Variants in GPS1 observed in about 807,000 individuals in gnomAD.
The protein encoded by GPS1 is COP9 signalosome complex subunit 1.
Under a neutral mutation model 60.0 loss-of-function variants are expected in GPS1, and 11 were observed. That is an observed-to-expected ratio of 0.18 (90% CI 0.12 to 0.30). GPS1 has a LOEUF of 0.30. GPS1 is among the 10% of genes least tolerant of loss of function. The pLI, the probability that GPS1 is intolerant of heterozygous loss-of-function variation, is 1.00. For missense variants in GPS1, 543 were observed against 669.2 expected (o/e 0.81, Z 2.08); for synonymous variants, 343 against 269.8 (o/e 1.27, Z -2.66).
At position 82,056,482 on chromosome 17, in the gene GPS1, C is replaced by T. The variant is rs988489404; in HGVS notation, c.1048C>T (p.Leu350=). The T allele has an allele frequency of 6.2e-7, 1 of 1,613,098 alleles. No individual in the cohort carries two copies. Among genetic ancestry groups the T allele is most frequent in the African/African-American group, 1.3e-5 (1 of 74,920 alleles). Reference sequence around the variant, plus strand: ...GCCCCTTCCCCAGGACAACCTGCTCCTGGACATGTATCTGGCCCCCCATGT... The same window carrying T: ...GCCCCTTCCCCAGGACAACCTGCTCTTGGACATGTATCTGGCCCCCCATGT... The part of the protein sequence containing the change: ...MLDEMKDNLL[L]DMYLAPHVRT... The change falls in exon 10 of 13, where the codon CTG becomes TTG. Residue 350 remains leucine, a synonymous_variant. Coordinates refer to ENST00000578552, the MANE Select transcript of GPS1 (RefSeq NM_001321092.3).
chr17:82,057,085 G>A lies in GPS1; in HGVS notation c.1422G>A (p.Leu474=). The A allele has an allele frequency of 1.9e-6, 3 of 1,581,006 alleles. No homozygotes were observed. Among genetic ancestry groups the A allele is most frequent in the Non-Finnish European group, 2.6e-6 (3 of 1,161,376 alleles). ...SPPREGSQGE[L]TPANSQSRMS... ...CCAGAGAAGGGAGCCAGGGGGAGCTGACTCCAGCCAACAGCCAGTCCCGGA... is the reference window on the plus strand; with the variant it reads ...CCAGAGAAGGGAGCCAGGGGGAGCTAACTCCAGCCAACAGCCAGTCCCGGA... The change falls in exon 13 of 13, where the codon CTG becomes CTA. Residue 474 remains leucine (L), a synonymous_variant. Coordinates refer to ENST00000578552, the MANE Select transcript of GPS1 (RefSeq NM_001321092.3).
At chr17:82,053,487 T>C in intron 2 of GPS1, 121 bp downstream of exon 2, 1 of 714,926 alleles carries the variant, frequency 1.4e-6, no homozygotes, top group Non-Finnish European at 2.1e-6. Flanking sequence ...CTGTCGTCTT[T>C]TTCTGACCCC....
intron 2 of GPS1, 152 bp downstream of exon 2, chr17:82,053,518 T>C (rs4969483): frequency 0.048 from 27,168 of 565,468 alleles, 1,233 homozygotes; most frequent in African/African-American, 0.17. Context: ...GCGTTTCTGA[T>C]TGCGCACTCA....
rs1294610563 is a variant in GPS1, at chr17:82,056,308, C to T, written c.952C>T (p.Leu318=). 1.2e-6 allele frequency: 2 copies of T among 1,612,414 alleles called. No individual in the cohort carries two copies. Among genetic ancestry groups the T allele is most frequent in the Non-Finnish European group, 8.5e-7 (1 of 1,179,118 alleles). Residue 318 remains leucine (L), a synonymous_variant, in exon 9 of 13, where the codon CTG becomes TTG. Transcript: ENST00000578552. The stretch of plus-strand genomic sequence containing the variant: ...CAGCTCCTTCAAGTTGTTCTTGGAG[C>T]TGGAGCCACAGGTCCGAGACATCAT... ...SSSSFKLFLE[L]EPQVRDIIFK...
intron 5 of GPS1, 63 bp from the exon 6 acceptor site, chr17:82,055,099 G>A: frequency 6.4e-7 from 1 of 1,566,196 alleles, no homozygotes; most frequent in Admixed American, 1.9e-5. Context: ...CAGTCTGGGG[G>A]CTGGGCATCG....
chr17:82,052,793 C>A, intron 1 of GPS1: 1 of 368,926 alleles, frequency 2.7e-6, no homozygotes, highest in South Asian at 3.2e-5. Context: ...CCCCTTCTCC[C>A]AACTCCGTGG....
At position 82,055,724 on chromosome 17, in the gene GPS1, C is replaced by T. The variant is rs981051652; in HGVS notation, c.749-16C>T. On this transcript the variant is annotated splice_polypyrimidine_tract_variant and intron_variant, in intron 6 of 12. Coordinates refer to ENST00000578552, the MANE Select transcript of GPS1 (RefSeq NM_001321092.3). The stretch of plus-strand genomic sequence containing the variant: ...ACCCCCTCTCCCCCCTCCCCGCCCC[C>T]GGCTCCTTCCACTAGGCTTGGCAGA... 1.7e-5 allele frequency: 26 copies of T among 1,539,360 alleles called. No individual in the cohort carries two copies. The highest frequency in any genetic ancestry group is 2.1e-5 in the Non-Finnish European group (24 of 1,138,132).
intron 4 of GPS1, 32 bp downstream of exon 4, chr17:82,054,842 G>T (rs200876960): frequency 6.4e-7 from 1 of 1,573,800 alleles, no homozygotes; most frequent in East Asian, 2.2e-5. Flanking sequence ...GGGGTGGGCA[G>T]CATGGCTGGG....
At chr17:82,052,137 C>T in intron 1 of GPS1, 173 bp downstream of exon 1, 2 of 989,506 alleles carry the variant, frequency 2.0e-6, no homozygotes, top group Non-Finnish European at 2.7e-6. Context: ...GGCGCGTCTC[C>T]GCCGTGGCTG....
At chr17:82,051,155 TG>T, upstream of GPS1, 1 of 1,306,144 alleles carries the variant, frequency 7.7e-7, no homozygotes. The surrounding 1 kb of genome is among the most constrained non-coding windows in gnomAD (Gnocchi z 4.1). Flanking sequence ...CCGCGTGACC[TG>T]GGCAGCGTCG....
chr17:82,051,734 G>C, upstream of GPS1: 1 of 1,068,358 alleles, frequency 9.4e-7, no homozygotes, highest in South Asian at 4.3e-5. The surrounding 1 kb of genome is among the most constrained non-coding windows in gnomAD (Gnocchi z 4.1). Flanking sequence ...GCGCGAGGCA[G>C]GCCCGGCACA....
chr17:82,051,891 C>A, upstream of GPS1: 1 of 1,157,664 alleles, frequency 8.6e-7, no homozygotes, highest in African/African-American at 1.6e-5. The surrounding 1 kb of genome is among the most constrained non-coding windows in gnomAD (Gnocchi z 4.1). Flanking sequence ...GGCTTCGCTG[C>A]CCCGGAAGTG....
chr17:82,056,334 C>G lies in GPS1; in HGVS notation c.978C>G (p.Ile326Met), dbSNP rs1286997917. ...TGGAGCCACAGGTCCGAGACATCAT[C>G]TTCAAATTCTACGAGTCCAAGTACG... ...LELEPQVRDI[I>M]FKFYESKYAS... is the part of the protein sequence containing the mutation. Residue 326 changes from isoleucine to methionine, a missense_variant, in exon 9 of 13, where the codon ATC becomes ATG. Around this residue, in one of 3 missense-constraint regions of GPS1, gnomAD observed 291 missense variants for 353.7 expected, o/e 0.82. Coordinates refer to ENST00000578552, the MANE Select transcript of GPS1 (RefSeq NM_001321092.3). 15 of 1,613,386 alleles carry G rather than the reference C, an allele frequency of 9.3e-6. No individual in the cohort carries two copies. In the East Asian group the frequency reaches 3.3e-4, roughly 36 times the overall value.
Position 82,057,218 on chromosome 17 carries a change from A to G in GPS1, c.*91A>G. The G allele has an allele frequency of 2.0e-6, 3 of 1,520,292 alleles. No homozygotes were observed. Among genetic ancestry groups the G allele is most frequent in the South Asian group, 1.1e-5 (1 of 87,654 alleles). 94.2% of individuals were successfully genotyped at this position (1,520,292 alleles called of 1,614,324 possible). A position where few individuals can be genotyped will look rare whatever the true frequency, so the allele number is the denominator to read the frequency against. On this transcript the variant is annotated 3_prime_UTR_variant, in exon 13 of 13. Coordinates refer to ENST00000578552, the MANE Select transcript of GPS1 (RefSeq NM_001321092.3). ...GGCGGCTCAGTGCTGCCTGCGGCCC[A>G]GCTAAGGGGCCTGGCCACTGGGTGC...
At chr17:82,052,087 G>A in intron 1 of GPS1, 123 bp downstream of exon 1, 2 of 847,854 alleles carry the variant, frequency 2.4e-6, no homozygotes, top group Non-Finnish European at 2.9e-6. Flanking sequence ...TCCGTGCCGG[G>A]CCTCCGCGGG....
At chr17:82,051,060 G>A, upstream of GPS1, 5 of 1,379,242 alleles carry the variant, frequency 3.6e-6, no homozygotes, top group Non-Finnish European at 3.7e-6. The surrounding 1 kb of genome is among the most constrained non-coding windows in gnomAD (Gnocchi z 4.1). Context: ...AGGGGACGTG[G>A]CACTAGCCCC....
At position 82,055,795 on chromosome 17, in the gene GPS1, G is replaced by A. The variant is rs1225935906; in HGVS notation, c.804G>A (p.Leu268=). The change falls in exon 7 of 13, where the codon CTG becomes CTA. Residue 268 remains leucine (L), a synonymous_variant. Coordinates refer to ENST00000578552, the MANE Select transcript of GPS1 (RefSeq NM_001321092.3). The part of the protein sequence containing the change: ...KYKQAAKCLL[L]ASFDHCDFPE... ...AGCAGGCTGCCAAGTGCCTCCTGCT[G>A]GCTTCCTTTGATCACTGTGACTTCC... The A allele has an allele frequency of 6.4e-7, 1 of 1,564,184 alleles. No individual in the cohort carries two copies. Among genetic ancestry groups the A allele is most frequent in the Non-Finnish European group, 8.7e-7 (1 of 1,153,616 alleles).
upstream of GPS1, chr17:82,051,226 C>T (rs1326526282): frequency 7.6e-7 from 1 of 1,312,602 alleles, no homozygotes; most frequent in Non-Finnish European, 9.7e-7. This position sits in a 1 kb window ranked among gnomAD's most constrained non-coding sequence, Gnocchi z 4.1. Context: ...GCGAAGGGGC[C>T]GTGGCTTCGG....
At chr17:82,056,149 T>A in intron 8 of GPS1, 54 bp downstream of exon 8, 1 of 1,478,148 alleles carries the variant, frequency 6.8e-7, no homozygotes, top group Non-Finnish European at 9.4e-7. Flanking sequence ...TCTCCGTGGC[T>A]GCTGCTTCGG....
Sources: gnomAD v4.1 joint callset for allele counts on GRCh38, gnomAD v4.1.1 for gene constraint, gnomAD v4.1.1 regional missense constraint, Gnocchi (gnomAD v3.1) non-coding constraint, MANE v1.5 for transcripts, NCBI Gene and HGNC (gene_info 2026-07-23, HGNC 2026-07-21) for gene names.